XKR9: variants seen among roughly 807,000 people sequenced by gnomAD.
XKR9 encodes XK related 9.
In XKR9, 32 loss-of-function variants were observed where a neutral mutation model predicts 32.0. The ratio of observed to expected loss-of-function variants is 1.00; its 90% CI spans 0.76 to 1.34. XKR9 has a LOEUF of 1.34. Among genes scored for constraint, XKR9 ranks in the 40% most tolerant of loss-of-function variants. The probability of loss-of-function intolerance (pLI) is 0.00; values close to 1 mark genes in which losing one functional copy is unlikely to be tolerated. For missense variants in XKR9, 546 were observed against 429.7 expected, an observed-to-expected ratio of 1.27 and a Z score of -2.39; for synonymous variants, 168 against 143.4, an observed-to-expected ratio of 1.17 and a Z score of -1.22.
At chr8:70,740,707 C>G (rs1265680362), downstream of XKR9, among the ~76,000 whole-genome samples, 1 of 152,182 alleles carries the variant, frequency 6.6e-6, no homozygotes, top group Non-Finnish European at 1.5e-5. Context: ...AGCTGCAGGT[C>G]TGTTGGAGTT....
chr8:70,670,400 A>G (rs545614736), intron 1 of XKR9, among the ~76,000 whole-genome samples: 2 of 152,212 alleles, frequency 1.3e-5, no homozygotes, highest in Non-Finnish European at 2.9e-5. Context: ...GTTATAAATT[A>G]CTTAAAAGAA....
At chr8:70,970,465 C>T in the XKR9 span, among the ~76,000 whole-genome samples, 37 of 152,216 alleles carry the variant, frequency 2.4e-4, no homozygotes, top group Non-Finnish European at 4.9e-4. Context: ...TTATCCCTCT[C>T]CTAGCTGCCC....
chr8:70,859,079 G>A, the XKR9 span, among the ~76,000 whole-genome samples: 1 of 151,972 alleles, frequency 6.6e-6, no homozygotes, highest in African/African-American at 2.4e-5. Flanking sequence ...ACAGAATGAG[G>A]TAAAATATTT....
chr8:70,900,111 A>T, the XKR9 span, among the ~76,000 whole-genome samples: 1 of 150,804 alleles, frequency 6.6e-6, no homozygotes, highest in Non-Finnish European at 1.5e-5. Context: ...TAAAAAAAAA[A>T]ATTAGTCTTT....
At chr8:70,806,513 A>T in the XKR9 span, among the ~76,000 whole-genome samples, 1 of 152,206 alleles carries the variant, frequency 6.6e-6, no homozygotes, top group African/African-American at 2.4e-5. Context: ...AGGAGCTAAG[A>T]ACCTTGATAA....
At chr8:70,978,813 A>G in the XKR9 span, among the ~76,000 whole-genome samples, 1 of 152,140 alleles carries the variant, frequency 6.6e-6, no homozygotes, top group East Asian at 1.9e-4. Flanking sequence ...TCTCCTGGAT[A>G]ATATCCTGCA....
the XKR9 span, among the ~76,000 whole-genome samples, chr8:71,045,970 T>C: frequency 6.6e-6 from 1 of 152,078 alleles, no homozygotes; most frequent in Admixed American, 6.5e-5. Flanking sequence ...GATACCCATG[T>C]ATCCTCCAAT....
At chr8:70,811,444 G>C in the XKR9 span, among the ~76,000 whole-genome samples, 379 of 152,244 alleles carry the variant, frequency 2.5e-3, 3 homozygotes, top group East Asian at 0.018. Context: ...TAAAATCAGA[G>C]CAGAACTGAA....
the XKR9 span, among the ~76,000 whole-genome samples, chr8:70,991,394 C>A: frequency 7.9e-5 from 12 of 151,986 alleles, no homozygotes; most frequent in Non-Finnish European, 7.4e-5. Flanking sequence ...ATTAACACAA[C>A]AAAGGATGAA....
At chr8:70,675,022 C>T (rs570620727) in intron 2 of XKR9, 123 bp downstream of exon 2, 1 of 152,302 alleles carries the variant, frequency 6.6e-6, no homozygotes, top group Admixed American at 6.5e-5. Flanking sequence ...CGTATTTCGG[C>T]TCGCAGCCAG....
At chr8:70,981,294 T>G in the XKR9 span, among the ~76,000 whole-genome samples, 36 of 152,326 alleles carry the variant, frequency 2.4e-4, no homozygotes, top group African/African-American at 8.4e-4. Flanking sequence ...GGTTTGGATG[T>G]GTAACATAGT....
intron 2 of XKR9, among the ~76,000 whole-genome samples, chr8:70,788,347 T>C (rs1807718054): frequency 6.6e-6 from 1 of 152,138 alleles, no homozygotes; most frequent in Non-Finnish European, 1.5e-5. Flanking sequence ...CTGTTTTCTG[T>C]TGATGTTTTA....
At chr8:70,698,772 G>A (rs1213311873) in intron 3 of XKR9, among the ~76,000 whole-genome samples, 2 of 152,244 alleles carry the variant, frequency 1.3e-5, no homozygotes, top group African/African-American at 2.4e-5. Flanking sequence ...TCTGTCTAAT[G>A]TTGACAGTGG....
At chr8:70,715,840 A>G (rs35621553) in intron 4 of XKR9, among the ~76,000 whole-genome samples, 50,038 of 151,860 alleles carry the variant, frequency 0.33, 9,390 homozygotes, top group Non-Finnish European at 0.43. Flanking sequence ...TTTGATTTTG[A>G]ATTCTCTTTC....
the XKR9 span, among the ~76,000 whole-genome samples, chr8:70,929,331 A>G: frequency 3.9e-5 from 6 of 152,324 alleles, no homozygotes; most frequent in African/African-American, 1.2e-4. Context: ...TACCTTATGC[A>G]ACTGTGTTGA....
the XKR9 span, among the ~76,000 whole-genome samples, chr8:70,941,086 A>G: frequency 6.6e-6 from 1 of 152,148 alleles, no homozygotes. Flanking sequence ...TTCCAAAACG[A>G]AAACTCCATA....
At chr8:70,780,321 A>G (rs1448152623) in intron 2 of XKR9, among the ~76,000 whole-genome samples, 1 of 151,724 alleles carries the variant, frequency 6.6e-6, no homozygotes, top group Non-Finnish European at 1.5e-5. Flanking sequence ...GGATGTTTAG[A>G]TAATTTATTT....
chr8:71,042,315 C>T, the XKR9 span, among the ~76,000 whole-genome samples: 1 of 152,060 alleles, frequency 6.6e-6, no homozygotes, highest in Non-Finnish European at 1.5e-5. Context: ...GAACAGTTGC[C>T]AGGGCCTCTC....
the XKR9 span, among the ~76,000 whole-genome samples, chr8:71,053,184 TA>T: frequency 6.6e-6 from 1 of 152,244 alleles, no homozygotes; most frequent in Admixed American, 6.5e-5. Context: ...ATAACCATTT[TA>T]GGAGTGGTTC....
Sources: allele counts gnomAD v4.1 joint callset (sites outside exome capture counted in the v4.1 genomes callset), GRCh38; gene constraint gnomAD v4.1.1; transcripts MANE v1.5; gene names NCBI Gene and HGNC (gene_info 2026-07-23, HGNC 2026-07-21).